Variants in EZR observed in about 807,000 individuals in gnomAD.
EZR encodes the protein cytovillin 2.
In EZR, 40 loss-of-function variants were observed where a neutral mutation model predicts 74.8. The ratio of observed to expected loss-of-function variants is 0.53; its 90% CI spans 0.42 to 0.70. The LOEUF (loss-of-function observed/expected upper bound fraction) is 0.70. Ranked by LOEUF, EZR falls within the 30% of genes least tolerant of loss-of-function variation. The pLI is 0.00. For synonymous variants in EZR, 341 were observed against 283.3 expected (o/e 1.20, Z -2.05); for missense variants, 678 against 755.8 (o/e 0.90, Z 1.21).
intron 2 of EZR, among the ~76,000 whole-genome samples, chr6:158,791,577 C>T (rs915428041): frequency 3.9e-5 from 6 of 152,008 alleles, no homozygotes; most frequent in African/African-American, 1.5e-4. Context: ...CCTGGATATG[C>T]CACCTTTCTT....
chr6:158,767,919 C>T (rs961938689), intron 12 of EZR, among the ~76,000 whole-genome samples: 5 of 152,068 alleles, frequency 3.3e-5, no homozygotes, highest in Middle Eastern at 3.2e-3. Flanking sequence ...CAGTCCCGCC[C>T]GCCTCCATCC....
intron 10 of EZR, among the ~76,000 whole-genome samples, chr6:158,770,167 C>T (rs1381604401): frequency 2.6e-5 from 4 of 152,212 alleles, no homozygotes; most frequent in Admixed American, 6.5e-5. Flanking sequence ...GCCAGCCAGG[C>T]GCCCTCTCTC....
At chr6:158,808,839 A>C (rs1365847716) in intron 2 of EZR, among the ~76,000 whole-genome samples, 1 of 152,318 alleles carries the variant, frequency 6.6e-6, no homozygotes, top group South Asian at 2.1e-4. Context: ...ACAAACAAAC[A>C]AACTTGGGCC....
At chr6:158,817,656 T>A (rs1292352424) in intron 2 of EZR, among the ~76,000 whole-genome samples, 1 of 152,162 alleles carries the variant, frequency 6.6e-6, no homozygotes, top group African/African-American at 2.4e-5. Context: ...CCCAGTTGGA[T>A]CTGGGGCGCC....
intron 2 of EZR, among the ~76,000 whole-genome samples, chr6:158,811,705 A>C (rs1777453668): frequency 6.6e-6 from 1 of 152,078 alleles, no homozygotes; most frequent in Non-Finnish European, 1.5e-5. Context: ...TTCACAAAAA[A>C]ATAAAAAATT....
In EZR at chr6:158,803,640, T is replaced by C. The variant is rs192403743; in HGVS notation, c.13-14269A>G. On this transcript the variant is annotated intron_variant, in intron 2 of 13. Coordinates refer to ENST00000367075, the MANE Select transcript of EZR (RefSeq NM_001111077.2). Reference sequence around the variant, plus strand: ...ATATATATATACATATACATACATATATATATATATATACATATATATATA... The same window carrying C: ...ATATATATATACATATACATACATACATATATATATATACATATATATATA... 2.6e-3 allele frequency among the ~76,000 whole-genome samples: 129 copies of C among 48,928 alleles called. 4 individuals carry two copies. Among genetic ancestry groups the C allele is most frequent in the South Asian group, 0.011 (14 of 1,288 alleles). 32.1% of individuals were successfully genotyped at this position (48,928 alleles called of 152,430 possible).
chr6:158,797,356 G>C (rs534012178), intron 2 of EZR, among the ~76,000 whole-genome samples: 3 of 152,132 alleles, frequency 2.0e-5, no homozygotes, highest in Admixed American at 6.5e-5. Flanking sequence ...AAATAAGAAA[G>C]GGAAATTCAA....
At chr6:158,803,320 A>G (rs1442744789) in intron 2 of EZR, among the ~76,000 whole-genome samples, 4 of 151,434 alleles carry the variant, frequency 2.6e-5, no homozygotes, top group Non-Finnish European at 4.4e-5. Flanking sequence ...ACTCGATACG[A>G]GGTATACGGT....
At chr6:158,807,051 G>A (rs1187880298) in intron 2 of EZR, among the ~76,000 whole-genome samples, 1 of 152,130 alleles carries the variant, frequency 6.6e-6, no homozygotes, top group Non-Finnish European at 1.5e-5. Context: ...AGTGGCTCAC[G>A]CCTGTAATCC....
chr6:158,804,411 AT>A (rs1283631144), intron 2 of EZR, among the ~76,000 whole-genome samples: 1 of 152,230 alleles, frequency 6.6e-6, no homozygotes, highest in Non-Finnish European at 1.5e-5. Context: ...TTGAACAAGA[AT>A]TTATCTAATA....
intron 2 of EZR, among the ~76,000 whole-genome samples, chr6:158,807,654 AGAAT>A (rs1455607192): frequency 6.6e-6 from 1 of 152,210 alleles, no homozygotes; most frequent in East Asian, 1.9e-4. Flanking sequence ...GAGTCAGTAA[AGAAT>A]GAAAGTTAAT....
At chr6:158,806,062 G>A (rs1777333027) in intron 2 of EZR, among the ~76,000 whole-genome samples, 1 of 152,252 alleles carries the variant, frequency 6.6e-6, no homozygotes, top group South Asian at 2.1e-4. Flanking sequence ...GGAATACAAA[G>A]TAATAGTGGA....
At chr6:158,767,630 G>A (rs940629811) in intron 12 of EZR, 118 bp from the exon 13 acceptor site, 2 of 1,127,300 alleles carry the variant, frequency 1.8e-6, no homozygotes, top group Non-Finnish European at 2.5e-6. Flanking sequence ...GAACTGTGCT[G>A]GGCTGTGGCT....
rs1395868340 is a variant in EZR at position 158,809,254 on chromosome 6, G to T, written c.12+8828C>A. Among the ~76,000 whole-genome samples the T allele has an allele frequency of 3.9e-5, 6 of 152,302 alleles. No individual in the cohort carries two copies. In the East Asian group the frequency reaches 5.8e-4, roughly 15 times the overall value. Reference sequence around the variant, plus strand: ...GAGATGGAGCTGTACTTTAGACAGGGTGTTCTGAATCAGGAATGGACTTAC... The same window carrying T: ...GAGATGGAGCTGTACTTTAGACAGGTTGTTCTGAATCAGGAATGGACTTAC... On this transcript the variant is annotated intron_variant, in intron 2 of 13. Transcript: ENST00000367075.
rs79120400 is a variant in EZR at position 158,799,637 on chromosome 6, C to G, written c.13-10266G>C. 8.9e-4 allele frequency among the ~76,000 whole-genome samples: 136 copies of G among 152,356 alleles called. 2 individuals carry two copies. The East Asian group carries it at 0.021, about 24-fold the overall frequency. On this transcript the variant is annotated intron_variant, in intron 2 of 13. Coordinates refer to ENST00000367075, the MANE Select transcript of EZR (RefSeq NM_001111077.2). ...GAATAAATTATAGCACTAGCTATGACAGACATTGGTCGTTTTCCACAAATG... is the reference window on the plus strand; with the variant it reads ...GAATAAATTATAGCACTAGCTATGAGAGACATTGGTCGTTTTCCACAAATG...
intron 1 of EZR, among the ~76,000 whole-genome samples, chr6:158,819,039 T>C (rs1462281465): frequency 6.6e-6 from 1 of 152,064 alleles, no homozygotes; most frequent in East Asian, 1.9e-4. Context: ...TTTCAAAAAC[T>C]GCAACCGCTC....
In EZR at chr6:158,767,243, G is replaced by C; in HGVS notation, c.1596+18C>G. On this transcript the variant is annotated intron_variant, in intron 13 of 13. Coordinates refer to ENST00000367075, the MANE Select transcript of EZR (RefSeq NM_001111077.2). ...AAGCGAGGCAGGCTCCCTGGAGACA[G>C]AGCCCCTTGGGCCTCACCAGCAGCT... The C allele has an allele frequency of 6.2e-7, 1 of 1,602,638 alleles. No homozygotes were observed. Among genetic ancestry groups the C allele is most frequent in the Non-Finnish European group, 8.5e-7 (1 of 1,172,204 alleles).
chr6:158,817,028 T>C (rs923412906), intron 2 of EZR, among the ~76,000 whole-genome samples: 7 of 152,058 alleles, frequency 4.6e-5, no homozygotes, highest in South Asian at 2.1e-4. Context: ...GAGGTTGCAG[T>C]GAGCCGAGAT....
chr6:158,812,442 G>A (rs950308400), intron 2 of EZR, among the ~76,000 whole-genome samples: 3 of 152,160 alleles, frequency 2.0e-5, no homozygotes, highest in African/African-American at 4.8e-5. Context: ...GAAGTCATTA[G>A]TTCTTCAAGG....
Sources: allele counts gnomAD v4.1 joint callset (sites outside exome capture counted in the v4.1 genomes callset), GRCh38; gene constraint gnomAD v4.1.1; transcripts MANE v1.5; gene names NCBI Gene and HGNC (gene_info 2026-07-23, HGNC 2026-07-21).